The following R3HDM2 variants were observed in gnomAD, a reference collection of about 807,000 sequenced individuals.
The protein encoded by R3HDM2 is R3H domain containing 2, also known as R3H domain-containing protein 2.
In R3HDM2, 38 loss-of-function variants were observed where a neutral mutation model predicts 124.5. The ratio of observed to expected loss-of-function variants is 0.31; its 90% CI spans 0.24 to 0.40. The LOEUF (loss-of-function observed/expected upper bound fraction) is 0.40, where lower values mean the gene tolerates loss of function less well. Ranked by LOEUF, R3HDM2 falls within the 10% of genes least tolerant of loss-of-function variation. R3HDM2 has a pLI of 1.00. For missense variants in R3HDM2, 869 were observed against 1,236.9 expected, an observed-to-expected ratio of 0.70 and a Z score of 4.46; for synonymous variants, 391 against 448.0, an observed-to-expected ratio of 0.87 and a Z score of 1.61.
intron 14 of R3HDM2, among the ~76,000 whole-genome samples, chr12:57,274,666 C>T (rs1199806829): frequency 6.6e-6 from 1 of 152,180 alleles, no homozygotes; most frequent in Admixed American, 6.5e-5. Context: ...AGCCATAGTT[C>T]TCTTCTTGAA....
chr12:57,352,950 A>C (rs2060839798), intron 2 of R3HDM2, among the ~76,000 whole-genome samples: 1 of 152,170 alleles, frequency 6.6e-6, no homozygotes, highest in African/African-American at 2.4e-5. Context: ...ACATAGAAAA[A>C]AAATCAGAGC....
At chr12:57,430,669 C>A in intron 1 of R3HDM2, 51 bp downstream of exon 1, 1 of 846,388 alleles carries the variant, frequency 1.2e-6, no homozygotes, top group Non-Finnish European at 1.4e-6. Flanking sequence ...CACGCCCCCT[C>A]CCCACAGGCC....
chr12:57,353,845 ATATGTTTTTTT>A (rs2060941275), intron 2 of R3HDM2, among the ~76,000 whole-genome samples: 1 of 151,960 alleles, frequency 6.6e-6, no homozygotes, highest in African/African-American at 2.4e-5. Context: ...TGTGGTAAAA[ATATGTTTTTTT>A]TATTTTTTTA....
rs771906694 is a variant in R3HDM2 at position 57,256,397 on chromosome 12, C to CA, written c.2547+16_2547+17insT. 38 of 1,534,706 alleles carry CA rather than the reference C, an allele frequency of 2.5e-5. No homozygotes were observed. Among genetic ancestry groups the CA allele is most frequent in the Non-Finnish European group, 2.6e-5 (29 of 1,131,640 alleles). On this transcript the variant is annotated intron_variant, in intron 22 of 23. Transcript: ENST00000402412. ...GAGGGGTCTGATGGCCCTACAGTTG[C>CA]TGGTGGACACCCTTACCTGGTGCAC...
chr12:57,365,468 T>C (rs1450899671), intron 2 of R3HDM2, among the ~76,000 whole-genome samples: 1 of 152,214 alleles, frequency 6.6e-6, no homozygotes, highest in African/African-American at 2.4e-5. Context: ...TTTTATTTTC[T>C]GTCTGCTTTT....
intron 2 of R3HDM2, among the ~76,000 whole-genome samples, chr12:57,330,887 G>C (rs552463885): frequency 2.0e-5 from 3 of 151,106 alleles, no homozygotes; most frequent in South Asian, 2.1e-4. Flanking sequence ...TTTTAGTAGA[G>C]AAGGGGTTTC....
chr12:57,361,760 C>T (rs554243796), intron 2 of R3HDM2, among the ~76,000 whole-genome samples: 1 of 151,982 alleles, frequency 6.6e-6, no homozygotes, highest in South Asian at 2.1e-4. Context: ...CATATGACAA[C>T]TAAAGCAAAA....
At chr12:57,256,377 G>A (rs1163943373) in intron 22 of R3HDM2, 37 bp downstream of exon 22, 2 of 1,461,480 alleles carry the variant, frequency 1.4e-6, no homozygotes, top group South Asian at 2.6e-5. Context: ...AAGAAGAGGG[G>A]TCTGATGGCC....
chr12:57,295,462 T>C lies in R3HDM2; in HGVS notation c.747A>G (p.Thr249=). 1.9e-6 allele frequency: 3 copies of C among 1,551,912 alleles called. No individual in the cohort carries two copies. The South Asian group carries it at 3.6e-5, about 18-fold the overall frequency. ...TGAGAATGAACCTCTGTTGAAATTC[T>C]GTATTCTTCTCATCCTTTATATGTT... The part of the protein sequence containing the change: ...FSEHIKDEKN[T]EFQQRFILKR... Residue 249 remains threonine (T), a synonymous_variant, in exon 10 of 24, where the codon ACA becomes ACG. Transcript: ENST00000402412.
At chr12:57,412,601 G>A (rs2069107198) in intron 1 of R3HDM2, among the ~76,000 whole-genome samples, 1 of 152,160 alleles carries the variant, frequency 6.6e-6, no homozygotes, top group Admixed American at 6.6e-5. Flanking sequence ...GGTCTGGGTT[G>A]AGAAGATTCC....
chr12:57,417,107 G>GT (rs2069704156), intron 1 of R3HDM2, among the ~76,000 whole-genome samples: 1 of 147,350 alleles, frequency 6.8e-6, no homozygotes, highest in African/African-American at 2.5e-5. Flanking sequence ...GACAGAATGA[G>GT]ACTCTGTCTC....
At chr12:57,397,396 A>G (rs1173618854) in intron 1 of R3HDM2, among the ~76,000 whole-genome samples, 6 of 152,206 alleles carry the variant, frequency 3.9e-5, no homozygotes, top group Non-Finnish European at 8.8e-5. Flanking sequence ...GTTCTATGCT[A>G]AAGTGAGAAT....
chr12:57,342,039 T>C (rs2059617784), intron 2 of R3HDM2, among the ~76,000 whole-genome samples: 1 of 152,212 alleles, frequency 6.6e-6, no homozygotes, highest in African/African-American at 2.4e-5. Context: ...TTCAAAATTC[T>C]CTAATTTCCC....
intron 2 of R3HDM2, among the ~76,000 whole-genome samples, chr12:57,360,896 C>T (rs2061860624): frequency 6.6e-6 from 1 of 151,334 alleles, no homozygotes; most frequent in South Asian, 2.1e-4. Flanking sequence ...ACTAAAAATA[C>T]AAAAAATTAA....
chr12:57,299,846 C>T (rs1405137381), intron 5 of R3HDM2, among the ~76,000 whole-genome samples: 9 of 152,214 alleles, frequency 5.9e-5, no homozygotes, highest in Admixed American at 5.9e-4. Context: ...ACTTCATGCT[C>T]TCACTATGCT....
intron 14 of R3HDM2, among the ~76,000 whole-genome samples, chr12:57,277,442 T>C (rs2137760732): frequency 7.5e-6 from 1 of 132,944 alleles, no homozygotes; most frequent in East Asian, 2.0e-4. Flanking sequence ...TCCTCAAAGA[T>C]TTTTTTTTTT....
intron 2 of R3HDM2, among the ~76,000 whole-genome samples, chr12:57,338,584 G>T (rs1031456350): frequency 1.3e-5 from 2 of 152,160 alleles, no homozygotes; most frequent in African/African-American, 4.8e-5. Context: ...TAGAGACGAG[G>T]TTTCACCATA....
At chr12:57,320,468 A>G (rs2056250460) in intron 2 of R3HDM2, among the ~76,000 whole-genome samples, 1 of 151,944 alleles carries the variant, frequency 6.6e-6, no homozygotes. Flanking sequence ...GGCTCCCAGG[A>G]GGGCCTAGAT....
intron 2 of R3HDM2, among the ~76,000 whole-genome samples, chr12:57,338,207 G>T (rs1279229075): frequency 2.6e-5 from 4 of 152,302 alleles, no homozygotes. Flanking sequence ...GAAGGCTGAG[G>T]CAGGAGAATT....
Sources: gnomAD v4.1 joint callset for allele counts (sites outside exome capture counted in the v4.1 genomes callset) on GRCh38, gnomAD v4.1.1 for gene constraint, MANE v1.5 for transcripts, NCBI Gene and HGNC (gene_info 2026-07-23, HGNC 2026-07-21) for gene names.